The following RAD51B variants were observed in gnomAD, a reference collection of about 807,000 sequenced individuals.
RAD51B encodes DNA repair protein RAD51 homolog 2.
Under a neutral mutation model 42.2 loss-of-function variants are expected in RAD51B, and 38 were observed. The ratio of observed to expected loss-of-function variants is 0.90; its 90% CI spans 0.70 to 1.18. The LOEUF is 1.18. RAD51B is among the 50% of genes most tolerant of loss of function. The pLI is 0.00. For synonymous variants in RAD51B, 154 were observed against 145.2 expected, an observed-to-expected ratio of 1.06 and a Z score of -0.43; for missense variants, 373 against 400.7, an observed-to-expected ratio of 0.93 and a Z score of 0.59.
chr14:68,134,802 G>A (rs1366944195), intron 7 of RAD51B, among the ~76,000 whole-genome samples: 1 of 150,586 alleles, frequency 6.6e-6, no homozygotes, highest in Non-Finnish European at 1.5e-5. Flanking sequence ...TGAATTTTGG[G>A]AATCCTCTTC....
intron 7 of RAD51B, among the ~76,000 whole-genome samples, chr14:68,046,128 A>AT (rs1410920257): frequency 5.3e-5 from 8 of 152,048 alleles, no homozygotes; most frequent in Non-Finnish European, 2.9e-5. Context: ...AGACTTTTAT[A>AT]TTTTTTATTT....
At chr14:68,064,822 C>T (rs1314693155) in intron 7 of RAD51B, among the ~76,000 whole-genome samples, 1 of 152,048 alleles carries the variant, frequency 6.6e-6, no homozygotes, top group Non-Finnish European at 1.5e-5. Context: ...CTGTTTGGTT[C>T]TCTTTTTATT....
At position 67,854,170 on chromosome 14, in the gene RAD51B, C is replaced by T. The variant is rs1279319754; in HGVS notation, c.316-10833C>T. ...ACCCTCCAATGAAGTTTTTCTACCA[C>T]ACATATACTGTATATCTGTTTTTGT... On this transcript the variant is annotated intron_variant, in intron 4 of 10. Coordinates refer to ENST00000471583, the MANE Select transcript of RAD51B (RefSeq NM_133510.4). Among the ~76,000 whole-genome samples the T allele has an allele frequency of 2.6e-5, 4 of 152,162 alleles. No homozygotes were observed. The East Asian group carries it at 7.7e-4, about 29-fold the overall frequency.
chr14:67,951,278 A>C (rs979946735), intron 7 of RAD51B, among the ~76,000 whole-genome samples: 6 of 151,794 alleles, frequency 4.0e-5, no homozygotes, highest in Admixed American at 3.9e-4. Context: ...ATATACTGTC[A>C]CTCATTGGGT....
At chr14:67,991,146 TA>T (rs2075290318) in intron 7 of RAD51B, among the ~76,000 whole-genome samples, 1 of 152,162 alleles carries the variant, frequency 6.6e-6, no homozygotes, top group Non-Finnish European at 1.5e-5. Flanking sequence ...ACTGCTGCAG[TA>T]GCCTGGGCAG....
chr14:68,359,943 T>G (rs2082989321), intron 8 of RAD51B, among the ~76,000 whole-genome samples: 1 of 152,250 alleles, frequency 6.6e-6, no homozygotes, highest in South Asian at 2.1e-4. Context: ...GCTTTTAACC[T>G]TTCTCAGTGT....
chr14:68,026,536 G>A (rs967258912), intron 7 of RAD51B, among the ~76,000 whole-genome samples: 3 of 151,800 alleles, frequency 2.0e-5, no homozygotes, highest in Non-Finnish European at 2.9e-5. Context: ...CTCCAGTGTT[G>A]GGTGGGTATA....
chr14:68,276,077 C>G (rs2081218299), intron 7 of RAD51B, among the ~76,000 whole-genome samples: 1 of 152,110 alleles, frequency 6.6e-6, no homozygotes, highest in Admixed American at 6.5e-5. Context: ...TTTTTTGAGA[C>G]AGATGAATCC....
intron 7 of RAD51B, among the ~76,000 whole-genome samples, chr14:68,032,920 A>G (rs1235432371): frequency 6.6e-6 from 1 of 152,074 alleles, no homozygotes; most frequent in Admixed American, 6.5e-5. Context: ...GCTTTTCCAC[A>G]TAGTGTTCCT....
intron 7 of RAD51B, among the ~76,000 whole-genome samples, chr14:68,013,377 A>G (rs1392540740): frequency 6.6e-6 from 1 of 152,148 alleles, no homozygotes; most frequent in African/African-American, 2.4e-5. Flanking sequence ...AAATCCCCCT[A>G]GGTTCAAGAG....
chr14:68,331,383 A>AAAAAAAAAAAAAAAAAAAAAAAAAAAC (rs2082347882), intron 8 of RAD51B, among the ~76,000 whole-genome samples: 1 of 148,294 alleles, frequency 6.7e-6, no homozygotes, highest in Non-Finnish European at 1.5e-5. Flanking sequence ...AAAAAAAAAA[A>AAAAAAAAAAAAAAAAAAAAAAAAAAAC]AAGCAATGGT....
At chr14:67,930,700 C>G (rs2044696732) in intron 7 of RAD51B, among the ~76,000 whole-genome samples, 1 of 152,054 alleles carries the variant, frequency 6.6e-6, no homozygotes, top group African/African-American at 2.4e-5. Flanking sequence ...CACTGGTCTT[C>G]CTGTACCTGG....
At chr14:68,323,898 G>A (rs2082201188) in intron 8 of RAD51B, among the ~76,000 whole-genome samples, 1 of 152,162 alleles carries the variant, frequency 6.6e-6, no homozygotes, top group South Asian at 2.1e-4. Context: ...TCACCTTCAA[G>A]CATGATATTC....
downstream of RAD51B, among the ~76,000 whole-genome samples, chr14:68,482,195 G>A (rs1341729891): frequency 6.6e-6 from 1 of 151,786 alleles, no homozygotes; most frequent in African/African-American, 2.4e-5. Context: ...GTGTGTGTGT[G>A]TGTATGTGTG....
chr14:68,019,971 G>A (rs554051021), intron 7 of RAD51B, among the ~76,000 whole-genome samples: 1 of 152,294 alleles, frequency 6.6e-6, no homozygotes, highest in African/African-American at 2.4e-5. Context: ...ACAGCTAACT[G>A]CAAGAATGAC....
At chr14:68,059,876 T>G (rs1300825334) in intron 7 of RAD51B, among the ~76,000 whole-genome samples, 1 of 152,228 alleles carries the variant, frequency 6.6e-6, no homozygotes, top group Non-Finnish European at 1.5e-5. Context: ...ATTTAAAATT[T>G]TTTATTTTAT....
chr14:68,073,511 A>G (rs923073354), intron 7 of RAD51B, among the ~76,000 whole-genome samples: 2 of 152,046 alleles, frequency 1.3e-5, no homozygotes, highest in African/African-American at 4.8e-5. Context: ...GGGATGCTTA[A>G]CCTGTTTTTC....
intron 7 of RAD51B, among the ~76,000 whole-genome samples, chr14:67,974,365 C>T (rs2074950670): frequency 6.6e-6 from 1 of 152,024 alleles, no homozygotes; most frequent in South Asian, 2.1e-4. Flanking sequence ...CTACTAAATT[C>T]AGTAACTTTC....
chr14:68,626,536 G>A (rs1237632981), intron 10 of RAD51B, among the ~76,000 whole-genome samples: 1 of 152,220 alleles, frequency 6.6e-6, no homozygotes, highest in East Asian at 1.9e-4. Context: ...GACATCCAAG[G>A]TCACCATCAC....
Sources: gnomAD v4.1 joint callset for allele counts (sites outside exome capture counted in the v4.1 genomes callset) on GRCh38, gnomAD v4.1.1 for gene constraint, MANE v1.5 for transcripts, NCBI Gene and HGNC (gene_info 2026-07-23, HGNC 2026-07-21) for gene names.